Variants in MIA2 observed in about 807,000 individuals in gnomAD.
MIA2 encodes the protein melanoma inhibitory activity protein 2.
Under a neutral mutation model 167.8 loss-of-function variants are expected in MIA2, and 127 were observed. The ratio of observed to expected loss-of-function variants is 0.76; its 90% CI spans 0.66 to 0.88. The LOEUF (loss-of-function observed/expected upper bound fraction) is 0.88, where lower values mean the gene tolerates loss of function less well. Ranked by LOEUF, MIA2 falls within the 40% of genes least tolerant of loss-of-function variation. The pLI, the probability that MIA2 is intolerant of heterozygous loss-of-function variation, is 0.00. For synonymous variants in MIA2, 552 were observed against 541.9 expected (o/e 1.02, Z -0.26); for missense variants, 1,690 against 1,624.7 (o/e 1.04, Z -0.69).
chr14:39,267,092 T>A (rs1415799722), intron 6 of MIA2: 10 of 1,106,218 alleles, frequency 9.0e-6, no homozygotes, highest in South Asian at 2.5e-5. Flanking sequence ...CTGCGAAGCT[T>A]GCGCGAAGAA....
At chr14:39,387,765 T>C (rs2075291432) in exon 24 of MIA2, 1 of 152,206 alleles carries the variant, frequency 6.6e-6, no homozygotes, top group Admixed American at 6.5e-5. Context: ...TTCACTGTTG[T>C]CTCATTTAAG....
chr14:39,253,422 C>T, intron 6 of MIA2: 1 of 519,946 alleles, frequency 1.9e-6, no homozygotes, highest in Non-Finnish European at 3.3e-6. Context: ...TCCACCCTCC[C>T]CATTTTTCAA....
At chr14:39,363,755 G>A (rs2074752053) in intron 23 of MIA2, among the ~76,000 whole-genome samples, 1 of 152,070 alleles carries the variant, frequency 6.6e-6, no homozygotes, top group Admixed American at 6.5e-5. Flanking sequence ...TTCCTTTATT[G>A]TTTTGTAATG....
rs776512923 is a variant in MIA2 at position 39,348,828 on chromosome 14, G to A, written c.3923G>A (p.Arg1308Lys). Reference protein sequence around the residue: ...GFVPPPLAPIRGPLFPVDARG... With the variant: ...GFVPPPLAPIKGPLFPVDARG... ...GTTCCTCCACCTCTTGCTCCAATCAGAGGTCCATTGTTTCCAGTGGATGCA... is the reference window on the plus strand; with the variant it reads ...GTTCCTCCACCTCTTGCTCCAATCAAAGGTCCATTGTTTCCAGTGGATGCA... The change falls in exon 28 of 29, where the codon AGA (arginine) becomes AAA (lysine). Residue 1308 changes from arginine (R) to lysine (K), a missense_variant. Transcript: ENST00000640607. The A allele has an allele frequency of 1.4e-5, 23 of 1,613,874 alleles. No individual in the cohort carries two copies. The East Asian group carries it at 4.5e-4, about 31-fold the overall frequency.
At chr14:39,348,217 A>G (rs892971273) in intron 27 of MIA2, among the ~76,000 whole-genome samples, 3 of 152,122 alleles carry the variant, frequency 2.0e-5, no homozygotes, top group African/African-American at 7.2e-5. Context: ...TCTCTTTTTG[A>G]TTAATATACT....
intron 14 of MIA2, among the ~76,000 whole-genome samples, chr14:39,300,268 C>T (rs1164136819): frequency 6.6e-6 from 1 of 152,064 alleles, no homozygotes; most frequent in Non-Finnish European, 1.5e-5. Flanking sequence ...TACCATTTCT[C>T]TTCAGGATGC....
At chr14:39,337,465 C>CA (rs1339969643) in intron 25 of MIA2, among the ~76,000 whole-genome samples, 1 of 152,170 alleles carries the variant, frequency 6.6e-6, no homozygotes, top group Non-Finnish European at 1.5e-5. Context: ...ACAAGTTACC[C>CA]AACAGCAGCA....
Position 39,314,810 on chromosome 14 carries a change from A to ATATG in MIA2, c.3180+12_3180+13insATGT, listed in dbSNP as rs1555390607. ...TCTTATCAAGGGCAGGTATATATATATGTGTGTGTGTGTGTGTGTGTGTGT... is the reference window on the plus strand; with the variant it reads ...TCTTATCAAGGGCAGGTATATATATATATGTGTGTGTGTGTGTGTGTGTGTGTGT... On this transcript the variant is annotated intron_variant, in intron 20 of 28. Transcript: ENST00000640607. 1.8e-5 allele frequency: 19 copies of ATATG among 1,066,024 alleles called. No homozygotes were observed. The African/African-American group carries it at 3.0e-4, about 17-fold the overall frequency. The allele number at this position is 1,066,024 out of a possible 1,614,324, so 66.0% of individuals were successfully genotyped here.
chr14:39,245,215 A>G (rs1301182473), intron 3 of MIA2, among the ~76,000 whole-genome samples: 7 of 151,788 alleles, frequency 4.6e-5, no homozygotes, highest in Admixed American at 4.6e-4. Flanking sequence ...TGCTGGAATT[A>G]CAGGCATAAG....
chr14:39,238,737 T>C (rs1012307930), intron 2 of MIA2, among the ~76,000 whole-genome samples: 2 of 133,370 alleles, frequency 1.5e-5, no homozygotes, highest in African/African-American at 5.8e-5. Flanking sequence ...GAGGCTGCAG[T>C]GAACCATGAT....
chr14:39,367,746 G>C (rs915686598), intron 23 of MIA2, among the ~76,000 whole-genome samples: 1 of 152,166 alleles, frequency 6.6e-6, no homozygotes, highest in South Asian at 2.1e-4. Context: ...TCTTTGTGGA[G>C]GAGGCAAATG....
intron 2 of MIA2, among the ~76,000 whole-genome samples, chr14:39,240,084 T>A (rs1343999893): frequency 6.6e-6 from 1 of 152,166 alleles, no homozygotes; most frequent in African/African-American, 2.4e-5. Flanking sequence ...CTGAAGGACT[T>A]GTAGACCTTT....
intron 25 of MIA2, among the ~76,000 whole-genome samples, chr14:39,344,475 T>C (rs575866256): frequency 3.3e-5 from 5 of 152,220 alleles, no homozygotes; most frequent in Non-Finnish European, 2.9e-5. Context: ...TAAATGAGCC[T>C]TCAAACTATT....
Position 39,260,337 on chromosome 14 carries a change from T to A in MIA2, c.1887+7166T>A, listed in dbSNP as rs189992388. 5.9e-3 allele frequency among the ~76,000 whole-genome samples: 903 copies of A among 152,346 alleles called. 11 individuals are homozygous for A. Among genetic ancestry groups the A allele is most frequent in the African/African-American group, 0.021 (864 of 41,578 alleles). ...CAGTCCCACCAACAGTGTAAAAGCA[T>A]TCCTATTTCCCCACATCCTCTCCAG... On this transcript the variant is annotated intron_variant, in intron 6 of 28. Coordinates refer to ENST00000640607, the MANE Select transcript of MIA2 (RefSeq NM_001329214.4).
At chr14:39,281,524 G>T (rs781528707) in intron 9 of MIA2, among the ~76,000 whole-genome samples, 2 of 150,924 alleles carry the variant, frequency 1.3e-5, no homozygotes, top group Non-Finnish European at 3.0e-5. Flanking sequence ...CAGTTTTATT[G>T]TGGCTCTTTT....
At chr14:39,315,303 C>CA (rs11345079) in intron 20 of MIA2, 12,133 of 132,278 alleles carry the variant, frequency 0.092, 524 homozygotes, top group Middle Eastern at 0.14. Flanking sequence ...GACTCCGTCT[C>CA]AAAAAAAAAA....
chr14:39,281,264 A>G (rs1367903839), intron 9 of MIA2, among the ~76,000 whole-genome samples: 2 of 151,886 alleles, frequency 1.3e-5, no homozygotes, highest in Non-Finnish European at 2.9e-5. Context: ...TTACTTTTCC[A>G]CATATTGTTT....
At chr14:39,290,231 A>C (rs972474808) in intron 9 of MIA2, among the ~76,000 whole-genome samples, 4 of 152,178 alleles carry the variant, frequency 2.6e-5, no homozygotes, top group Non-Finnish European at 5.9e-5. Flanking sequence ...GGGGGAATAG[A>C]AATGTCAAAT....
intron 25 of MIA2, among the ~76,000 whole-genome samples, chr14:39,344,474 C>T (rs2072754331): frequency 6.6e-6 from 1 of 152,170 alleles, no homozygotes; most frequent in Admixed American, 6.5e-5. Flanking sequence ...GTAAATGAGC[C>T]TTCAAACTAT....
Sources: gnomAD v4.1 joint callset for allele counts (sites outside exome capture counted in the v4.1 genomes callset) on GRCh38, gnomAD v4.1.1 for gene constraint, MANE v1.5 for transcripts, NCBI Gene and HGNC (gene_info 2026-07-23, HGNC 2026-07-21) for gene names.